LRRC4C: variants seen among roughly 807,000 people sequenced by gnomAD.
LRRC4C encodes leucine-rich repeat-containing protein 4C.
A neutral mutation model predicts 33.6 loss-of-function variants in LRRC4C; 5 were observed. The ratio of observed to expected loss-of-function variants is 0.15; its 90% CI spans 0.08 to 0.31. LRRC4C has a LOEUF of 0.31. Ranked by LOEUF, LRRC4C falls within the 10% of genes least tolerant of loss-of-function variation. The probability of loss-of-function intolerance (pLI) is 1.00; values close to 1 mark genes in which losing one functional copy is unlikely to be tolerated. For synonymous variants in LRRC4C, 329 were observed against 302.0 expected, an observed-to-expected ratio of 1.09 and a Z score of -0.93; for missense variants, 560 against 796.7, an observed-to-expected ratio of 0.70 and a Z score of 3.58.
chr11:40,956,763 C>T (rs2136803834), intron 1 of LRRC4C, among the ~76,000 whole-genome samples: 1 of 151,832 alleles, frequency 6.6e-6, no homozygotes, highest in South Asian at 2.1e-4. Context: ...CTCTTTCTCT[C>T]ATCAATATAA....
chr11:41,024,415 G>A (rs1278885290), intron 1 of LRRC4C, among the ~76,000 whole-genome samples: 2 of 151,588 alleles, frequency 1.3e-5, no homozygotes, highest in Non-Finnish European at 3.0e-5. Flanking sequence ...TGTGTTTACT[G>A]TCAAAATAAT....
At position 41,405,169 on chromosome 11, in the gene LRRC4C, C is replaced by G. The variant is rs146859606; in HGVS notation, c.-496+54262G>C. Among the ~76,000 whole-genome samples, 70 of 152,184 alleles carry G rather than the reference C, an allele frequency of 4.6e-4. 1 individual carries two copies. The highest frequency in any genetic ancestry group is 3.4e-3 in the Middle Eastern group (1 of 294). On this transcript the variant is annotated intron_variant, in intron 1 of 6. Coordinates refer to ENST00000528697, the MANE Select transcript of LRRC4C (RefSeq NM_001258419.2). ...TGATAATAGAATAAACATACAGTAA[C>G]TGTTTTCAAATCTCCAAACCAAGAA...
chr11:40,767,825 C>A (rs2137135031), intron 2 of LRRC4C, among the ~76,000 whole-genome samples: 1 of 151,686 alleles, frequency 6.6e-6, no homozygotes, highest in Non-Finnish European at 1.5e-5. Flanking sequence ...GCATTTATTA[C>A]CATGAGAAAA....
chr11:40,834,884 G>A (rs377719860), intron 2 of LRRC4C, among the ~76,000 whole-genome samples: 17 of 122,162 alleles, frequency 1.4e-4, no homozygotes, highest in Non-Finnish European at 1.7e-4. Flanking sequence ...GAAAAGACAG[G>A]CAGACAGACA....
At chr11:40,541,246 A>G (rs1314582682) in intron 3 of LRRC4C, among the ~76,000 whole-genome samples, 3 of 152,070 alleles carry the variant, frequency 2.0e-5, no homozygotes, top group Admixed American at 6.6e-5. Flanking sequence ...CAGTGGCATG[A>G]TATTAGCTTA....
At chr11:41,304,691 C>G (rs1202082157) in intron 1 of LRRC4C, among the ~76,000 whole-genome samples, 1 of 65,898 alleles carries the variant, frequency 1.5e-5, no homozygotes, top group Non-Finnish European at 3.5e-5. Flanking sequence ...GCCCCCCGCC[C>G]GGCCAGCCAC....
At chr11:40,698,736 G>A (rs937914550) in intron 2 of LRRC4C, among the ~76,000 whole-genome samples, 7 of 152,124 alleles carry the variant, frequency 4.6e-5, no homozygotes, top group Non-Finnish European at 7.4e-5. Flanking sequence ...ATAGTTCCAC[G>A]TGGCTGGGGA....
chr11:40,883,590 A>T (rs767151215), intron 2 of LRRC4C, among the ~76,000 whole-genome samples: 5 of 152,098 alleles, frequency 3.3e-5, no homozygotes, highest in African/African-American at 4.8e-5. Context: ...AAGACAACTT[A>T]TTCTGAGTTA....
At chr11:40,819,456 G>A (rs999052018) in intron 2 of LRRC4C, among the ~76,000 whole-genome samples, 3 of 152,130 alleles carry the variant, frequency 2.0e-5, no homozygotes, top group Non-Finnish European at 2.9e-5. Flanking sequence ...GTAAAGCCAG[G>A]AGGACTGGCA....
intron 2 of LRRC4C, among the ~76,000 whole-genome samples, chr11:40,809,412 A>G (rs1157804373): frequency 6.6e-6 from 1 of 152,074 alleles, no homozygotes; most frequent in African/African-American, 2.4e-5. Flanking sequence ...ATTTCTCAAT[A>G]TTATTTGTCA....
At position 40,114,707 on chromosome 11, in the gene LRRC4C, A is replaced by G. The variant is rs1855287106; in HGVS notation, c.1586T>C (p.Ile529Thr). ...IDEVMKTTKI[I>T]IGCFVAITLM... is the part of the protein sequence containing the mutation. ...TGTGATGGCCACAAAACACCCAATG[A>G]TGATTTTGGTAGTCTTCATGACCTC... Residue 529 changes from isoleucine (I) to threonine (T), a missense_variant, in exon 7 of 7, where the codon ATC becomes ACC. Coordinates refer to ENST00000528697, the MANE Select transcript of LRRC4C (RefSeq NM_001258419.2). 1 of 1,614,056 alleles carries G rather than the reference A, an allele frequency of 6.2e-7. No individual in the cohort carries two copies. Among genetic ancestry groups the G allele is most frequent in the Non-Finnish European group, 8.5e-7 (1 of 1,180,032 alleles).
rs557202057 is a variant in LRRC4C, at chr11:40,726,425, C to G, written c.-406-78147G>C. Among the ~76,000 whole-genome samples, 7 of 152,252 alleles carry G rather than the reference C, an allele frequency of 4.6e-5. No individual in the cohort carries two copies. In the South Asian group the frequency reaches 1.5e-3, roughly 32 times the overall value. On this transcript the variant is annotated intron_variant, in intron 2 of 6. Transcript: ENST00000528697. The stretch of plus-strand genomic sequence containing the variant: ...CTCAACAATTGCTAGCAAACTGAAT[C>G]CAGGAGCACATCAAAATTTAATTTG...
At chr11:41,158,907 T>C (rs1392070540) in intron 1 of LRRC4C, among the ~76,000 whole-genome samples, 1 of 152,146 alleles carries the variant, frequency 6.6e-6, no homozygotes, top group Non-Finnish European at 1.5e-5. Flanking sequence ...AAGAGGCTGA[T>C]CTTATCCCAT....
At chr11:40,449,465 CT>C (rs1271604424) in intron 3 of LRRC4C, among the ~76,000 whole-genome samples, 5 of 152,024 alleles carry the variant, frequency 3.3e-5, no homozygotes, top group African/African-American at 1.2e-4. Flanking sequence ...CTTTCATTTA[CT>C]CTAGTGATGT....
chr11:40,332,241 G>C (rs1448974474), intron 3 of LRRC4C, among the ~76,000 whole-genome samples: 1 of 152,104 alleles, frequency 6.6e-6, no homozygotes, highest in African/African-American at 2.4e-5. Context: ...CTCTCTGAAG[G>C]CTCTATGGCT....
intron 2 of LRRC4C, among the ~76,000 whole-genome samples, chr11:40,785,236 G>T (rs1415001640): frequency 2.0e-5 from 3 of 152,132 alleles, no homozygotes; most frequent in Non-Finnish European, 4.4e-5. Flanking sequence ...TGTCAGGCGA[G>T]ATTTATGAGT....
chr11:40,614,406 CT>C (rs563266446), intron 3 of LRRC4C, among the ~76,000 whole-genome samples: 476 of 99,030 alleles, frequency 4.8e-3, no homozygotes, highest in Non-Finnish European at 8.8e-3. Context: ...GCTTCCTCAC[CT>C]TTCTAATCAT....
At chr11:40,464,706 ATCAG>A (rs1178733313) in intron 3 of LRRC4C, among the ~76,000 whole-genome samples, 1 of 152,032 alleles carries the variant, frequency 6.6e-6, no homozygotes, top group Non-Finnish European at 1.5e-5. Flanking sequence ...AACCAAATCA[ATCAG>A]TCAATCCCTT....
intron 1 of LRRC4C, among the ~76,000 whole-genome samples, chr11:41,367,152 G>A (rs1365633292): frequency 6.6e-6 from 1 of 152,052 alleles, no homozygotes; most frequent in Non-Finnish European, 1.5e-5. Flanking sequence ...GCTTTTGCTG[G>A]CCAGAAAAGA....
Sources: allele counts gnomAD v4.1 joint callset (sites outside exome capture counted in the v4.1 genomes callset), GRCh38; gene constraint gnomAD v4.1.1; transcripts MANE v1.5; gene names NCBI Gene and HGNC (gene_info 2026-07-23, HGNC 2026-07-21).